The following ADAMTS14 variants were observed in gnomAD, a reference collection of about 807,000 sequenced individuals.
ADAMTS14 encodes the protein A disintegrin and metalloproteinase with thrombospondin motifs 14.
In ADAMTS14, 100 loss-of-function variants were observed where a neutral mutation model predicts 128.6. The observed-to-expected ratio is 0.78, with a 90% CI of 0.66 to 0.92. The LOEUF is 0.92. Among genes scored for constraint, ADAMTS14 ranks in the 40% least tolerant of loss-of-function variants. ADAMTS14 has a pLI of 0.00. For missense variants in ADAMTS14, 1,562 were observed against 1,658.6 expected (o/e 0.94, Z 1.01); for synonymous variants, 665 against 653.8 (o/e 1.02, Z -0.26).
intron 10 of ADAMTS14, among the ~76,000 whole-genome samples, chr10:70,737,460 C>T (rs1183756050): frequency 6.6e-6 from 1 of 152,210 alleles, no homozygotes; most frequent in East Asian, 1.9e-4. Context: ...AGGTAACTGA[C>T]TCATGTCAAG....
At chr10:70,735,055 A>G in intron 8 of ADAMTS14, 114 bp from the exon 9 acceptor site, 1 of 1,381,660 alleles carries the variant, frequency 7.2e-7, no homozygotes, top group Non-Finnish European at 9.8e-7. Context: ...TGGGAACAGA[A>G]TAGCGGGTGC....
intron 4 of ADAMTS14, among the ~76,000 whole-genome samples, chr10:70,726,087 C>A (rs1216202665): frequency 1.3e-5 from 2 of 152,194 alleles, no homozygotes; most frequent in African/African-American, 4.8e-5. Flanking sequence ...GTTTACATAG[C>A]ATTTGCATCT....
chr10:70,743,972 TCTC>T (rs1842089606), intron 13 of ADAMTS14, 91 bp from the exon 14 acceptor site: 29 of 1,470,024 alleles, frequency 2.0e-5, no homozygotes, highest in Non-Finnish European at 2.7e-5. Flanking sequence ...CCAGAGGTCT[TCTC>T]CTGACCAGGG....
rs1042461185 is a variant in ADAMTS14, at chr10:70,749,747, T to C, written c.2264-75T>C. 5 of 1,535,946 alleles carry C rather than the reference T, an allele frequency of 3.3e-6. No individual in the cohort carries two copies. In the Admixed American group the frequency reaches 5.7e-5, roughly 17 times the overall value. On this transcript the variant is annotated intron_variant, in intron 15 of 21. Coordinates refer to ENST00000373207, the MANE Select transcript of ADAMTS14 (RefSeq NM_080722.4). ...CCCAGAAGGCTCACTGGGAAGGCCT[T>C]GAATTTCATATTCATGGCCCGCCCC... is the stretch of plus-strand genomic sequence containing the variant.
At chr10:70,720,209 G>A (rs1304226390) in intron 4 of ADAMTS14, among the ~76,000 whole-genome samples, 2 of 152,186 alleles carry the variant, frequency 1.3e-5, no homozygotes, top group African/African-American at 4.8e-5. Context: ...GCAGCTAAAA[G>A]TGCTCACTTG....
Position 70,743,662 on chromosome 10 carries a change from G to A in ADAMTS14, c.2039G>A (p.Cys680Tyr), listed in dbSNP as rs745900655. Reference sequence around the variant, plus strand: ...AGCTACCGGGACCCATACAGCGTCTGTGCGCGTGGCGAGTGTGTGGTGGGT... The same window carrying A: ...AGCTACCGGGACCCATACAGCGTCTATGCGCGTGGCGAGTGTGTGGTGGGT... ...RCSYRDPYSVCARGECVPVGC... is the reference protein window; with the variant it reads ...RCSYRDPYSVYARGECVPVGC... The change falls in exon 13 of 22, where the codon TGT becomes TAT. Residue 680 changes from cysteine to tyrosine, a missense_variant. By Grantham distance (194) the Cys-to-Tyr change is radical. Transcript: ENST00000373207. 2 of 1,602,056 alleles carry A rather than the reference G, an allele frequency of 1.2e-6. No individual in the cohort carries two copies. Among genetic ancestry groups the A allele is most frequent in the Non-Finnish European group, 1.7e-6 (2 of 1,173,560 alleles).
In ADAMTS14 at chr10:70,757,420, G is replaced by A. The variant is rs184530931; in HGVS notation, c.2938-542G>A. 1.4e-4 allele frequency among the ~76,000 whole-genome samples: 22 copies of A among 152,232 alleles called. No individual in the cohort carries two copies. The East Asian group carries it at 1.5e-3, about 11-fold the overall frequency. ...GAGGAGGGTCCATGGAGACCCTGTC[G>A]CCCAGCTCTCTGTTTACAGAGTAAG... On this transcript the variant is annotated intron_variant, in intron 19 of 21. Coordinates refer to ENST00000373207, the MANE Select transcript of ADAMTS14 (RefSeq NM_080722.4).
intron 9 of ADAMTS14, among the ~76,000 whole-genome samples, chr10:70,736,039 G>A (rs146008604): frequency 6.6e-6 from 1 of 152,368 alleles, no homozygotes; most frequent in Non-Finnish European, 1.5e-5. Context: ...CACTGTCTGG[G>A]ACATGTGGTC....
intron 4 of ADAMTS14, among the ~76,000 whole-genome samples, chr10:70,721,296 TACAGGCGTGAGCC>T (rs1349054955): frequency 2.6e-5 from 4 of 152,282 alleles, no homozygotes; most frequent in African/African-American, 9.6e-5. Flanking sequence ...GTGCTGGGAT[TACAGGCGTGAGCC>T]ACCACACCCA....
At chr10:70,748,110 A>G (rs1842239369) in intron 15 of ADAMTS14, among the ~76,000 whole-genome samples, 1 of 152,150 alleles carries the variant, frequency 6.6e-6, no homozygotes, top group South Asian at 2.1e-4. Context: ...TTTCATGCGT[A>G]TGTTTAGTAA....
chr10:70,713,018 G>C (rs1196615320), intron 4 of ADAMTS14, among the ~76,000 whole-genome samples: 1 of 152,220 alleles, frequency 6.6e-6, no homozygotes, highest in Non-Finnish European at 1.5e-5. Context: ...AGGAGAGTGA[G>C]AGTGCCCAGG....
At chr10:70,698,561 A>AG (rs1840400978) in intron 2 of ADAMTS14, among the ~76,000 whole-genome samples, 1 of 152,098 alleles carries the variant, frequency 6.6e-6, no homozygotes, top group Non-Finnish European at 1.5e-5. Context: ...CTAGGAGGAG[A>AG]GTCTCTGCGG....
At chr10:70,750,086 T>C in intron 16 of ADAMTS14, 101 bp downstream of exon 16, 1 of 1,481,286 alleles carries the variant, frequency 6.8e-7, no homozygotes, top group Non-Finnish European at 9.1e-7. Context: ...TCTGGTGTCT[T>C]TAGGAGCCTG....
intron 4 of ADAMTS14, among the ~76,000 whole-genome samples, chr10:70,716,708 A>G (rs1841060659): frequency 6.6e-6 from 1 of 152,188 alleles, no homozygotes; most frequent in Non-Finnish European, 1.5e-5. Flanking sequence ...TTCCGGGGCC[A>G]GGTCTGGGCT....
intron 2 of ADAMTS14, among the ~76,000 whole-genome samples, chr10:70,677,051 C>G (rs185887481): frequency 3.9e-5 from 6 of 152,250 alleles, no homozygotes; most frequent in Admixed American, 2.6e-4. Context: ...CTCCCCACCC[C>G]CTTTGCATCC....
intron 4 of ADAMTS14, among the ~76,000 whole-genome samples, chr10:70,727,874 T>C (rs887459081): frequency 6.6e-6 from 1 of 152,238 alleles, no homozygotes. Flanking sequence ...GGCGGGTGGA[T>C]CATGAGGTCA....
At position 70,701,284 on chromosome 10, in the gene ADAMTS14, G is replaced by A. The variant is rs987104047; in HGVS notation, c.523-1028G>A. Among the ~76,000 whole-genome samples, 48 of 152,342 alleles carry A rather than the reference G, an allele frequency of 3.2e-4. 1 individual carries two copies. The highest frequency in any genetic ancestry group is 5.4e-4 in the Non-Finnish European group (37 of 68,018). On this transcript the variant is annotated intron_variant, in intron 2 of 21. Coordinates refer to ENST00000373207, the MANE Select transcript of ADAMTS14 (RefSeq NM_080722.4). ...CCAATTCAAATGGAGAAGGTCTAGTGAATTTATAAAAACACTTCCTTCATT... is the reference window on the plus strand; with the variant it reads ...CCAATTCAAATGGAGAAGGTCTAGTAAATTTATAAAAACACTTCCTTCATT...
chr10:70,719,367 TACAC>T (rs61607600), intron 4 of ADAMTS14, among the ~76,000 whole-genome samples: 9,653 of 141,978 alleles, frequency 0.068, 467 homozygotes, highest in Admixed American at 0.15. Flanking sequence ...ACTCCACAAA[TACAC>T]ACACACACAC....
At chr10:70,722,210 A>G (rs1473143335) in intron 4 of ADAMTS14, among the ~76,000 whole-genome samples, 1 of 152,126 alleles carries the variant, frequency 6.6e-6, no homozygotes, top group Admixed American at 6.5e-5. Flanking sequence ...TGGGGGCTAG[A>G]GCACATGGTC....
Sources: gnomAD v4.1 joint callset for allele counts (sites outside exome capture counted in the v4.1 genomes callset) on GRCh38, gnomAD v4.1.1 for gene constraint, MANE v1.5 for transcripts, NCBI Gene and HGNC (gene_info 2026-07-23, HGNC 2026-07-21) for gene names.